Variants in NAALADL2 observed in about 807,000 individuals in gnomAD.
NAALADL2 encodes N-acetylated alpha-linked acidic dipeptidase like 2.
Under a neutral mutation model 87.2 loss-of-function variants are expected in NAALADL2, and 76 were observed. The observed-to-expected ratio is 0.87, with a 90% CI of 0.72 to 1.05. The LOEUF (loss-of-function observed/expected upper bound fraction) is 1.05, where lower values mean the gene tolerates loss of function less well. NAALADL2 is among the 50% of genes least tolerant of loss of function. The pLI is 0.00. For synonymous variants in NAALADL2, 354 were observed against 331.0 expected, an observed-to-expected ratio of 1.07 and a Z score of -0.75; for missense variants, 1,089 against 945.8, an observed-to-expected ratio of 1.15 and a Z score of -1.99.
At chr3:175,174,382 C>T (rs1735361576) in intron 2 of NAALADL2, among the ~76,000 whole-genome samples, 2 of 152,034 alleles carry the variant, frequency 1.3e-5, no homozygotes, top group Non-Finnish European at 2.9e-5. Flanking sequence ...TGATAGACTA[C>T]AGTTATGTAT....
chr3:175,366,229 G>T (rs1765548485), intron 5 of NAALADL2, among the ~76,000 whole-genome samples: 1 of 148,760 alleles, frequency 6.7e-6, no homozygotes, highest in African/African-American at 2.5e-5. Context: ...TGGTGTATAT[G>T]TGCCACATTT....
At chr3:175,700,046 T>G (rs1738764646) in intron 11 of NAALADL2, among the ~76,000 whole-genome samples, 2 of 152,156 alleles carry the variant, frequency 1.3e-5, no homozygotes, top group Admixed American at 1.3e-4. Flanking sequence ...ATTAATTTTC[T>G]GCATCCAGAA....
chr3:174,882,532 T>C (rs1321264609), intron 1 of NAALADL2, among the ~76,000 whole-genome samples: 1 of 150,958 alleles, frequency 6.6e-6, no homozygotes, highest in Non-Finnish European at 1.5e-5. Flanking sequence ...TATACACATA[T>C]ATGCATACAC....
At chr3:175,117,151 T>TA (rs750534567) in intron 2 of NAALADL2, among the ~76,000 whole-genome samples, 4 of 151,962 alleles carry the variant, frequency 2.6e-5, no homozygotes, top group Non-Finnish European at 1.5e-5. Flanking sequence ...CCTAAAACCA[T>TA]AAAAACCCTA....
chr3:175,542,339 A>G (rs1712500466), intron 9 of NAALADL2, among the ~76,000 whole-genome samples: 1 of 152,228 alleles, frequency 6.6e-6, no homozygotes, highest in Non-Finnish European at 1.5e-5. Flanking sequence ...GATGTATGTT[A>G]TAACACTTCT....
intron 3 of NAALADL2, among the ~76,000 whole-genome samples, chr3:174,824,836 G>A (rs1002348716): frequency 6.6e-6 from 1 of 152,148 alleles, no homozygotes; most frequent in East Asian, 1.9e-4. Context: ...TACTGGAAAT[G>A]ATTTACTTTA....
In NAALADL2 at chr3:175,804,293, A is replaced by G. The variant is rs1754512459; in HGVS notation, c.*1090A>G. On this transcript the variant is annotated 3_prime_UTR_variant, in exon 14 of 14. Coordinates refer to ENST00000454872, the MANE Select transcript of NAALADL2 (RefSeq NM_207015.3). ...TCATATTTTTTCTTCTTTATCCTTA[A>G]TTGTGACTAAGATGGAAATCTAGAA... 1 of 151,826 alleles carries G rather than the reference A, an allele frequency of 6.6e-6. No homozygotes were observed. Among genetic ancestry groups the G allele is most frequent in the Non-Finnish European group, 1.5e-5 (1 of 67,814 alleles). 9.4% of individuals were successfully genotyped at this position (151,826 alleles called of 1,614,324 possible).
intron 5 of NAALADL2, among the ~76,000 whole-genome samples, chr3:175,420,886 GTA>G (rs1291562433): frequency 1.3e-5 from 2 of 151,838 alleles, no homozygotes; most frequent in African/African-American, 2.4e-5. Context: ...TTCTTTCCTA[GTA>G]TATATGTTTG....
intron 11 of NAALADL2, among the ~76,000 whole-genome samples, chr3:175,706,255 G>A (rs1448902406): frequency 6.6e-6 from 1 of 151,986 alleles, no homozygotes; most frequent in Non-Finnish European, 1.5e-5. Context: ...CCTCCTTATT[G>A]ATGGGGAATA....
chr3:174,786,222 G>A lies in NAALADL2; in HGVS notation c.-9+48476G>A, dbSNP rs571598524. ...TCACAGCACTTTGGTAGGCCAAGGC[G>A]GGCAGATCATGAGGTCAGGTGATCG... On this transcript the variant is annotated intron_variant, in intron 3 of 3. Coordinates refer to the NAALADL2 transcript ENST00000434257. Among the ~76,000 whole-genome samples, 16 of 152,064 alleles carry A rather than the reference G, an allele frequency of 1.1e-4. No individual in the cohort carries two copies. In the South Asian group the frequency reaches 2.7e-3, roughly 26 times the overall value.
Position 175,036,792 on chromosome 3 carries a change from T to C in NAALADL2, c.44-59998T>C, listed in dbSNP as rs61606852. On this transcript the variant is annotated intron_variant, in intron 1 of 13. Transcript: ENST00000454872. ...TCCTGCTGTTGGCCAGTGTCATATTTTTCCATCTGTTCTTTTTTTTTTTTT... is the reference window on the plus strand; with the variant it reads ...TCCTGCTGTTGGCCAGTGTCATATTCTTCCATCTGTTCTTTTTTTTTTTTT... 2.6e-3 allele frequency among the ~76,000 whole-genome samples: 392 copies of C among 148,714 alleles called. 3 individuals are homozygous for C. The highest frequency in any genetic ancestry group is 9.5e-3 in the African/African-American group (377 of 39,726).
intron 1 of NAALADL2, among the ~76,000 whole-genome samples, chr3:174,890,218 G>C (rs1321542243): frequency 3.3e-5 from 5 of 152,116 alleles, no homozygotes; most frequent in Admixed American, 6.5e-5. Context: ...TTATTTAGTT[G>C]AAGTTACAAT....
At chr3:175,333,197 T>C (rs1324030037) in intron 5 of NAALADL2, among the ~76,000 whole-genome samples, 1 of 152,214 alleles carries the variant, frequency 6.6e-6, no homozygotes, top group Non-Finnish European at 1.5e-5. Flanking sequence ...CTGCAGATGT[T>C]GTGTACAGGT....
chr3:175,036,836 A>G (rs1580136055), intron 1 of NAALADL2, among the ~76,000 whole-genome samples: 1 of 115,720 alleles, frequency 8.6e-6, no homozygotes, highest in Non-Finnish European at 1.7e-5. Context: ...GCGTTCCTAT[A>G]CTTGCTACCC....
At chr3:174,661,060 T>TCTA (rs1385785753) in intron 2 of NAALADL2, among the ~76,000 whole-genome samples, 5 of 152,132 alleles carry the variant, frequency 3.3e-5, no homozygotes, top group African/African-American at 1.2e-4. Context: ...GGCCTTACTC[T>TCTA]TGATTAAAAT....
chr3:175,370,274 T>C (rs1051659422), intron 5 of NAALADL2, among the ~76,000 whole-genome samples: 9 of 152,196 alleles, frequency 5.9e-5, no homozygotes, highest in African/African-American at 2.2e-4. Context: ...TATTCTCAAC[T>C]ATAATTTTAA....
At chr3:175,160,327 T>G (rs1488601924) in intron 2 of NAALADL2, among the ~76,000 whole-genome samples, 2 of 147,300 alleles carry the variant, frequency 1.4e-5, no homozygotes, top group African/African-American at 4.9e-5. Flanking sequence ...AGTAAAATTT[T>G]AAAAATATAT....
intron 2 of NAALADL2, among the ~76,000 whole-genome samples, chr3:174,717,590 T>A (rs1731303819): frequency 6.6e-6 from 1 of 152,196 alleles, no homozygotes. Flanking sequence ...ATTTTTTTCT[T>A]ACAATTCTAG....
At chr3:175,105,766 T>C (rs1723037901) in intron 2 of NAALADL2, among the ~76,000 whole-genome samples, 1 of 150,262 alleles carries the variant, frequency 6.7e-6, no homozygotes, top group African/African-American at 2.5e-5. Context: ...AAGATTTTTT[T>C]CTCTTACATA....
Sources: gnomAD v4.1 joint callset for allele counts (sites outside exome capture counted in the v4.1 genomes callset) on GRCh38, gnomAD v4.1.1 for gene constraint, MANE v1.5 for transcripts, NCBI Gene and HGNC (gene_info 2026-07-23, HGNC 2026-07-21) for gene names.